The following GNS variants were observed in gnomAD, a reference collection of about 807,000 sequenced individuals.
The protein encoded by GNS is N-acetylglucosamine-6-sulfatase.
In GNS, 40 loss-of-function variants were observed where a neutral mutation model predicts 69.7. The ratio of observed to expected loss-of-function variants is 0.57; its 90% CI spans 0.45 to 0.75. The LOEUF is 0.75. GNS is among the 30% of genes least tolerant of loss of function. The pLI, the probability that GNS is intolerant of heterozygous loss-of-function variation, is 0.00. For synonymous variants in GNS, 243 were observed against 251.6 expected, an observed-to-expected ratio of 0.97 and a Z score of 0.32; for missense variants, 565 against 685.5, an observed-to-expected ratio of 0.82 and a Z score of 1.96.
chr12:64,736,233 A>T (rs1869552482), intron 9 of GNS, among the ~76,000 whole-genome samples: 1 of 152,256 alleles, frequency 6.6e-6, no homozygotes, highest in Admixed American at 6.5e-5. Flanking sequence ...GTGCCTCAGC[A>T]TTAGGTACCA....
chr12:64,722,285 TAG>T (rs1869055632), intron 11 of GNS, among the ~76,000 whole-genome samples: 1 of 152,152 alleles, frequency 6.6e-6, no homozygotes, highest in African/African-American at 2.4e-5. Context: ...CCCAAAGTGC[TAG>T]GATTACAGGT....
chr12:64,739,594 A>C, intron 7 of GNS, 95 bp from the exon 8 acceptor site: 3 of 688,918 alleles, frequency 4.4e-6, no homozygotes, highest in African/African-American at 1.8e-5. Context: ...AACAAAAACA[A>C]AGACACCCCC....
chr12:64,721,542 C>A, intron 12 of GNS, 53 bp downstream of exon 12: 1 of 878,508 alleles, frequency 1.1e-6, no homozygotes, highest in Non-Finnish European at 2.0e-6. Context: ...GTCCAGCCAA[C>A]AAAGCACCAG....
intron 7 of GNS, 65 bp from the exon 8 acceptor site, chr12:64,739,564 C>CTAA: frequency 3.4e-6 from 1 of 296,704 alleles, no homozygotes; most frequent in Non-Finnish European, 5.8e-6. Flanking sequence ...ACTATCTTGC[C>CTAA]AAAAAAAAAA....
chr12:64,757,946 G>A (rs1870311781), intron 1 of GNS, among the ~76,000 whole-genome samples: 1 of 152,190 alleles, frequency 6.6e-6, no homozygotes, highest in Admixed American at 6.5e-5. Flanking sequence ...CTGAAACGAA[G>A]AAAGCAATAA....
At chr12:64,726,721 C>T (rs1869212986) in intron 10 of GNS, among the ~76,000 whole-genome samples, 1 of 152,036 alleles carries the variant, frequency 6.6e-6, no homozygotes, top group Non-Finnish European at 1.5e-5. Flanking sequence ...GTCTTGAACT[C>T]CTGGACTCAA....
At chr12:64,741,859 G>C (rs990491829) in intron 6 of GNS, among the ~76,000 whole-genome samples, 3 of 152,196 alleles carry the variant, frequency 2.0e-5, no homozygotes. Context: ...GAATAACTCT[G>C]AGAAGTCCTG....
intron 10 of GNS, among the ~76,000 whole-genome samples, chr12:64,726,857 C>A (rs1592494845): frequency 6.6e-6 from 1 of 151,598 alleles, no homozygotes; most frequent in East Asian, 1.9e-4. Context: ...CGCAAAAATG[C>A]AGAGGCATTT....
At chr12:64,722,102 G>A (rs1411778808) in intron 11 of GNS, among the ~76,000 whole-genome samples, 2 of 151,238 alleles carry the variant, frequency 1.3e-5, no homozygotes, top group Non-Finnish European at 2.9e-5. Flanking sequence ...TCAGCTCACT[G>A]CAACCTCCAC....
rs190329056 is a variant in GNS, at chr12:64,737,160, A to G, written c.995-53T>C. 2.8e-4 allele frequency: 261 copies of G among 942,292 alleles called. No individual in the cohort carries two copies. In the African/African-American group the frequency reaches 3.2e-3, roughly 12 times the overall value. 58.4% of individuals were successfully genotyped at this position (942,292 alleles called of 1,614,324 possible). ...TGGAGCCAAGACAGGAGCCTTGCTC[A>G]TGTTATGTTTCACTCATTTAATCCA... is the stretch of plus-strand genomic sequence containing the variant. On this transcript the variant is annotated intron_variant, in intron 8 of 13. Transcript: ENST00000258145.
intron 1 of GNS, among the ~76,000 whole-genome samples, chr12:64,753,883 A>G (rs1335238871): frequency 1.3e-5 from 2 of 152,184 alleles, no homozygotes; most frequent in Non-Finnish European, 2.9e-5. Context: ...CGTCAGCCAT[A>G]CTCTCCTCAA....
chr12:64,745,564 A>T, intron 4 of GNS, 95 bp downstream of exon 4: 1 of 862,990 alleles, frequency 1.2e-6, no homozygotes, highest in South Asian at 1.3e-5. Flanking sequence ...TAATTGTAAA[A>T]GCAAATAAAG....
chr12:64,751,758 G>A (rs551464680), intron 2 of GNS, among the ~76,000 whole-genome samples: 2 of 151,796 alleles, frequency 1.3e-5, no homozygotes, highest in Non-Finnish European at 1.5e-5. Flanking sequence ...AGGCCGAGGC[G>A]GGCAGATCAC....
At chr12:64,754,749 C>CATGGT (rs975621748) in intron 1 of GNS, among the ~76,000 whole-genome samples, 1 of 152,000 alleles carries the variant, frequency 6.6e-6, no homozygotes, top group Admixed American at 6.6e-5. Flanking sequence ...ATTAGCTGGG[C>CATGGT]ATGGTAGTGC....
At chr12:64,735,350 G>A (rs1410641544) in intron 9 of GNS, among the ~76,000 whole-genome samples, 4 of 152,166 alleles carry the variant, frequency 2.6e-5, no homozygotes, top group African/African-American at 9.7e-5. Context: ...TTCCTCATCT[G>A]CAAAATAGGG....
At chr12:64,733,343 A>G (rs1473780537) in intron 9 of GNS, among the ~76,000 whole-genome samples, 1 of 151,494 alleles carries the variant, frequency 6.6e-6, no homozygotes, top group Non-Finnish European at 1.5e-5. Context: ...TGGGGCTTAA[A>G]TCAAAGGGTA....
chr12:64,735,467 A>G (rs1470208250), intron 9 of GNS, among the ~76,000 whole-genome samples: 2 of 152,372 alleles, frequency 1.3e-5, no homozygotes, highest in East Asian at 1.9e-4. Context: ...AATGTTAGCT[A>G]TATTATTGAA....
chr12:64,737,204 C>T, intron 8 of GNS, 97 bp from the exon 9 acceptor site: 1 of 753,474 alleles, frequency 1.3e-6, no homozygotes, highest in Non-Finnish European at 2.4e-6. Context: ...ACTAAAACAA[C>T]TTTGTTCTAC....
rs1368111436 is a variant in GNS at position 64,715,183 on chromosome 12, AT to A, written c.*1557del. The A allele has an allele frequency of 1.3e-5, 2 of 152,510 alleles. No individual in the cohort carries two copies. Among genetic ancestry groups the A allele is most frequent in the Admixed American group, 1.3e-4 (2 of 15,270 alleles). The allele number at this position is 152,510 out of a possible 1,614,324, so 9.4% of individuals were successfully genotyped here. ...CAATTAGCCTTCTTGTGAGGACAAC[AT>A]TAGAAATGGAACTGGTTTTTGAGCC... is the stretch of plus-strand genomic sequence containing the variant. On this transcript the variant is annotated 3_prime_UTR_variant, in exon 14 of 14. Coordinates refer to ENST00000258145, the MANE Select transcript of GNS (RefSeq NM_002076.4).
Sources: gnomAD v4.1 joint callset for allele counts (sites outside exome capture counted in the v4.1 genomes callset) on GRCh38, gnomAD v4.1.1 for gene constraint, MANE v1.5 for transcripts, NCBI Gene and HGNC (gene_info 2026-07-23, HGNC 2026-07-21) for gene names.